Variants in COPA observed in about 807,000 individuals in gnomAD.
COPA encodes coatomer subunit alpha.
A neutral mutation model predicts 158.7 loss-of-function variants in COPA; 10 were observed. The observed-to-expected ratio is 0.06, with a 90% CI of 0.04 to 0.11. The LOEUF (loss-of-function observed/expected upper bound fraction) is 0.11. COPA is among the 10% of genes least tolerant of loss of function. COPA has a pLI of 1.00. For missense variants in COPA, 1,065 were observed against 1,536.7 expected, an observed-to-expected ratio of 0.69 and a Z score of 5.13; for synonymous variants, 462 against 542.8, an observed-to-expected ratio of 0.85 and a Z score of 2.07.
intron 8 of COPA, among the ~76,000 whole-genome samples, chr1:160,319,902 A>G (rs1431933401): frequency 1.4e-5 from 2 of 147,172 alleles, no homozygotes; most frequent in African/African-American, 5.0e-5. Flanking sequence ...TTTATAACAT[A>G]AACACCTATG....
At chr1:160,294,634 G>A (rs369285380) in intron 24 of COPA, 41 bp from the exon 25 acceptor site, 53 of 1,607,206 alleles carry the variant, frequency 3.3e-5, no homozygotes, top group Non-Finnish European at 4.3e-5. Flanking sequence ...TTGGGCAGTG[G>A]CATAATCTTA....
chr1:160,335,609 C>T (rs183966902), intron 3 of COPA, among the ~76,000 whole-genome samples: 4 of 152,088 alleles, frequency 2.6e-5, no homozygotes, highest in East Asian at 1.9e-4. Context: ...TCAGGCTGGG[C>T]GTGGTCACTC....
intron 8 of COPA, 69 bp from the exon 9 acceptor site, chr1:160,314,194 C>T (rs1659065876): frequency 1.3e-6 from 2 of 1,499,242 alleles, no homozygotes; most frequent in South Asian, 2.6e-5. Context: ...GGAGATATGA[C>T]ATCCTCTTCA....
intron 25 of COPA, among the ~76,000 whole-genome samples, chr1:160,294,015 C>T (rs758929987): frequency 6.6e-5 from 10 of 152,180 alleles, no homozygotes; most frequent in African/African-American, 9.7e-5. Flanking sequence ...GCTGGCAGAA[C>T]GCTGATTACC....
intron 7 of COPA, among the ~76,000 whole-genome samples, chr1:160,324,926 T>A (rs1659443401): frequency 6.6e-6 from 1 of 152,190 alleles, no homozygotes; most frequent in Non-Finnish European, 1.5e-5. Context: ...CAGTTTTGAA[T>A]TAGCAGTATT....
rs1253097566 is a variant in COPA, at chr1:160,313,133, G to A, written c.877C>T (p.Arg293Cys). The change falls in exon 10 of 33, where the codon CGT (arginine) becomes TGT (cysteine). Residue 293 changes from arginine to cysteine, a missense_variant. By Grantham distance (180) the Arg-to-Cys change is radical. This residue lies in a region of COPA where 980 missense variants were observed against 1,357.8 expected (regional missense o/e 0.72). Transcript: ENST00000241704. The part of the protein sequence containing the change: ...GVQTFRRDHD[R>C]FWVLAAHPNL... ...GGGTGAGCAGCTAGGACCCAGAAAC[G>A]ATCATGGTCTCTGCGGAAAGTCTGA... 2.5e-6 allele frequency: 4 copies of A among 1,614,076 alleles called. No homozygotes were observed. Among genetic ancestry groups the A allele is most frequent in the Admixed American group, 3.3e-5 (2 of 60,018 alleles).
At chr1:160,329,318 A>C (rs1212312460) in intron 6 of COPA, among the ~76,000 whole-genome samples, 1 of 152,216 alleles carries the variant, frequency 6.6e-6, no homozygotes, top group Non-Finnish European at 1.5e-5. Flanking sequence ...AATTCTTACT[A>C]TCACATAAAT....
chr1:160,290,336 C>T (rs1312878794), intron 32 of COPA, 120 bp from the exon 33 acceptor site: 1 of 1,386,204 alleles, frequency 7.2e-7, no homozygotes, highest in Non-Finnish European at 1.0e-6. Flanking sequence ...TCATCACTGA[C>T]TGGCCAAGAG....
intron 17 of COPA, among the ~76,000 whole-genome samples, chr1:160,301,909 G>T (rs1279431658): frequency 6.6e-6 from 1 of 151,314 alleles, no homozygotes; most frequent in Non-Finnish European, 1.5e-5. Flanking sequence ...CATAGAAAAG[G>T]GATATACATT....
At chr1:160,342,998 C>G in intron 1 of COPA, 133 bp downstream of exon 1, 1 of 1,108,282 alleles carries the variant, frequency 9.0e-7, no homozygotes. Context: ...CAACCTCTCT[C>G]CCACCCTCCG....
At chr1:160,322,080 A>C (rs1404998963) in intron 8 of COPA, among the ~76,000 whole-genome samples, 1 of 152,160 alleles carries the variant, frequency 6.6e-6, no homozygotes, top group African/African-American at 2.4e-5. Context: ...CAAAATATCA[A>C]AGACATTCTT....
At chr1:160,338,122 T>G (rs985486609) in intron 3 of COPA, among the ~76,000 whole-genome samples, 11 of 152,136 alleles carry the variant, frequency 7.2e-5, no homozygotes, top group Non-Finnish European at 1.5e-4. Flanking sequence ...AAACTTTTTC[T>G]TAATTAACAC....
At chr1:160,324,568 G>C (rs1265892016) in intron 7 of COPA, among the ~76,000 whole-genome samples, 1 of 151,186 alleles carries the variant, frequency 6.6e-6, no homozygotes, top group Non-Finnish European at 1.5e-5. Context: ...AAAGTGCTGA[G>C]ATTACAGGTG....
chr1:160,288,741 A>G lies in COPA; in HGVS notation c.*1416T>C, dbSNP rs1050993880. Among the ~76,000 whole-genome samples the G allele has an allele frequency of 2.0e-5, 3 of 152,200 alleles. No homozygotes were observed. The highest frequency in any genetic ancestry group is 7.2e-5 in the African/African-American group (3 of 41,452). On this transcript the variant is annotated 3_prime_UTR_variant, in exon 33 of 33. Transcript: ENST00000241704. ...AGCAAAATATTGTATTGTTAATGTA[A>G]TCATTGTATCATTGTAATATATATA... is the stretch of plus-strand genomic sequence containing the variant.
At chr1:160,290,265 A>T in intron 32 of COPA, 49 bp from the exon 33 acceptor site, 1 of 1,604,284 alleles carries the variant, frequency 6.2e-7, no homozygotes, top group Non-Finnish European at 8.5e-7. Context: ...TAAGATTGAG[A>T]ACCCTAGAAA....
rs368086805 is a variant in COPA, at chr1:160,295,819, G to A, written c.2393C>T (p.Pro798Leu). Residue 798 changes from proline (P) to leucine (L), a missense_variant, in exon 23 of 33, where the codon CCT (proline) becomes CTT (leucine). This residue lies in a region of COPA where 980 missense variants were observed against 1,357.8 expected (regional missense o/e 0.72). Transcript: ENST00000241704. ...GGTATCCAATGGCATGATAGGTGCAGGTGGCTGGAGCAGCTTGGCATTAGG... is the reference window on the plus strand; with the variant it reads ...GGTATCCAATGGCATGATAGGTGCAAGTGGCTGGAGCAGCTTGGCATTAGG... Reference protein sequence around the residue: ...IDPNAKLLQPPAPIMPLDTNW... With the variant: ...IDPNAKLLQPLAPIMPLDTNW... 86 of 1,613,142 alleles carry A rather than the reference G, an allele frequency of 5.3e-5. No individual in the cohort carries two copies. Among genetic ancestry groups the A allele is most frequent in the Non-Finnish European group, 6.9e-5 (81 of 1,179,808 alleles).
chr1:160,306,315 A>T, intron 15 of COPA, 39 bp downstream of exon 15: 2 of 1,532,430 alleles, frequency 1.3e-6, no homozygotes, highest in Non-Finnish European at 1.8e-6. Context: ...ACTCTCCCCA[A>T]CTACAGGGCT....
rs1448113725 is a variant in COPA, at chr1:160,290,061, G to A, written c.*96C>T. 9.0e-7 allele frequency: 1 copy of A among 1,112,410 alleles called. No individual in the cohort carries two copies. The highest frequency in any genetic ancestry group is 1.4e-6 in the Non-Finnish European group (1 of 738,990). The allele number at this position is 1,112,410 out of a possible 1,614,324, so 68.9% of individuals were successfully genotyped here. A position where few individuals can be genotyped will look rare whatever the true frequency, so the allele number is the denominator to read the frequency against. The stretch of plus-strand genomic sequence containing the variant: ...TAGGGTACAGAGAGCCAGATCTGAA[G>A]AGTAGCTGCAGGGGGAAGGTGCTGT... On this transcript the variant is annotated 3_prime_UTR_variant, in exon 33 of 33. Coordinates refer to ENST00000241704, the MANE Select transcript of COPA (RefSeq NM_004371.4).
At chr1:160,294,912 C>T (rs537194956) in intron 23 of COPA, 55 bp from the exon 24 acceptor site, 19 of 1,493,620 alleles carry the variant, frequency 1.3e-5, no homozygotes, top group African/African-American at 4.1e-5. Flanking sequence ...GTCTGAGATA[C>T]GGCCTTTTCT....
Sources: allele counts gnomAD v4.1 joint callset (sites outside exome capture counted in the v4.1 genomes callset), GRCh38; gene constraint gnomAD v4.1.1; regional missense constraint gnomAD v4.1.1; transcripts MANE v1.5; gene names NCBI Gene and HGNC (gene_info 2026-07-23, HGNC 2026-07-21).